PPP1R9B: variants seen among roughly 807,000 people sequenced by gnomAD.
The protein encoded by PPP1R9B is protein phosphatase 1 regulatory subunit 9B.
In PPP1R9B, 17 loss-of-function variants were observed where a neutral mutation model predicts 75.8. The ratio of observed to expected loss-of-function variants is 0.22; its 90% CI spans 0.15 to 0.34. The LOEUF (loss-of-function observed/expected upper bound fraction) is 0.34, where lower values mean the gene tolerates loss of function less well. Among genes scored for constraint, PPP1R9B ranks in the 10% least tolerant of loss-of-function variants. PPP1R9B has a pLI of 1.00. For missense variants in PPP1R9B, 875 were observed against 1,196.0 expected, an observed-to-expected ratio of 0.73 and a Z score of 3.96; for synonymous variants, 509 against 535.4, an observed-to-expected ratio of 0.95 and a Z score of 0.68.
chr17:50,143,321 G>C (rs1413546048), intron 3 of PPP1R9B, among the ~76,000 whole-genome samples: 2 of 152,172 alleles, frequency 1.3e-5, no homozygotes, highest in Non-Finnish European at 1.5e-5. Context: ...TCCAGACCGG[G>C]ATGCACAACA....
chr17:50,138,147 A>G (rs1294571326), intron 7 of PPP1R9B, among the ~76,000 whole-genome samples: 2 of 145,232 alleles, frequency 1.4e-5, no homozygotes, highest in African/African-American at 5.2e-5. Context: ...GCATCTGTGT[A>G]TACTACGTGT....
Position 50,142,660 on chromosome 17 carries a change from TACAGCC to T in PPP1R9B, c.1625+932_1625+937del, listed in dbSNP as rs1442280315. 6.6e-6 allele frequency among the ~76,000 whole-genome samples: 1 copy of T among 152,012 alleles called. No individual in the cohort carries two copies. Among genetic ancestry groups the T allele is most frequent in the Non-Finnish European group, 1.5e-5 (1 of 67,986 alleles). On this transcript the variant is annotated intron_variant, in intron 3 of 9. Transcript: ENST00000612501. The surrounding 1 kb of genome is among the most constrained non-coding windows in gnomAD (Gnocchi z 4.1). The stretch of plus-strand genomic sequence containing the variant: ...GAGATCCCCAATGTCACCTCTAACT[TACAGCC>T]ACCCTGGGGGATGCCCTACAGCCCT...
chr17:50,142,371 G>T lies in PPP1R9B; in HGVS notation c.1626-998C>A, dbSNP rs1265101338. 6.6e-6 allele frequency among the ~76,000 whole-genome samples: 1 copy of T among 152,172 alleles called. No individual in the cohort carries two copies. Among genetic ancestry groups the T allele is most frequent in the Non-Finnish European group, 1.5e-5 (1 of 68,014 alleles). ...AGGTGGGCATGAGTGAGTGGCCACGGCCACCATGCACACTCACTCCTTAGA... is the reference window on the plus strand; with the variant it reads ...AGGTGGGCATGAGTGAGTGGCCACGTCCACCATGCACACTCACTCCTTAGA... On this transcript the variant is annotated intron_variant, in intron 3 of 9. Transcript: ENST00000612501. This position sits in a 1 kb window ranked among gnomAD's most constrained non-coding sequence, Gnocchi z 4.1.
chr17:50,150,263 G>C lies in PPP1R9B; in HGVS notation c.251C>G (p.Pro84Arg). Reference protein sequence around the residue: ...AGGGAGLAEAPRASERGVRLS... With the variant: ...AGGGAGLAEARRASERGVRLS... ...GCGCACGCCGCGCTCGGACGCCCGT[G>C]GGGCCTCGGCCAGGCCCGCGCCGCC... Residue 84 changes from proline (P) to arginine (R), a missense_variant, in exon 1 of 10, where the codon CCA (proline) becomes CGA (arginine). Physicochemically the swap from Pro to Arg is moderately radical, Grantham distance 103. Transcript: ENST00000612501. The surrounding 1 kb of genome is among the most constrained non-coding windows in gnomAD (Gnocchi z 8.7). The C allele has an allele frequency of 6.9e-7, 1 of 1,446,620 alleles. No individual in the cohort carries two copies. The highest frequency in any genetic ancestry group is 1.4e-5 in the South Asian group (1 of 72,978). The allele number at this position is 1,446,620 out of a possible 1,614,324, so 89.6% of individuals were successfully genotyped here. A position where few individuals can be genotyped will look rare whatever the true frequency, so the allele number is the denominator to read the frequency against.
At chr17:50,140,021 G>A in intron 5 of PPP1R9B, 72 bp downstream of exon 5, 5 of 1,536,096 alleles carry the variant, frequency 3.3e-6, no homozygotes, top group East Asian at 2.3e-5. Context: ...AAGCAGTAGA[G>A]GCAGATGACT....
chr17:50,143,150 C>T (rs1912428532), intron 3 of PPP1R9B, among the ~76,000 whole-genome samples: 1 of 152,232 alleles, frequency 6.6e-6, no homozygotes, highest in African/African-American at 2.4e-5. Flanking sequence ...TCAATGTCTA[C>T]CTCACACCAC....
intron 7 of PPP1R9B, 138 bp from the exon 8 acceptor site, chr17:50,136,335 T>C: frequency 1.5e-6 from 1 of 687,270 alleles, no homozygotes. Context: ...ACTAACCCTC[T>C]TTGGCTGAGC....
In PPP1R9B at chr17:50,139,473, G is replaced by A. The variant is rs769869474; in HGVS notation, c.1975C>T (p.Pro659Ser). The change falls in exon 6 of 10, where the codon CCT becomes TCT. Residue 659 changes from proline to serine, a missense_variant. Transcript: ENST00000612501. The surrounding 1 kb of genome is among the most constrained non-coding windows in gnomAD (Gnocchi z 5.0). The stretch of plus-strand genomic sequence containing the variant: ...AGCTTCTCGGGCTCCATGTCCACAG[G>A]GGACAGTGCATCCTCGTTCTCCGCT... ...ELAENEDALSPVDMEPEKLVH... is the reference protein window; with the variant it reads ...ELAENEDALSSVDMEPEKLVH... 5 of 1,604,716 alleles carry A rather than the reference G, an allele frequency of 3.1e-6. No individual in the cohort carries two copies. Among genetic ancestry groups the A allele is most frequent in the Non-Finnish European group, 4.3e-6 (5 of 1,173,814 alleles).
intron 1 of PPP1R9B, among the ~76,000 whole-genome samples, chr17:50,147,929 C>T (rs1256995498): frequency 6.6e-6 from 1 of 152,142 alleles, no homozygotes; most frequent in African/African-American, 2.4e-5. Flanking sequence ...GTTATGGAAA[C>T]GACAAGCAAA....
At chr17:50,141,138 C>A (rs1048962332) in intron 4 of PPP1R9B, 131 bp downstream of exon 4, 7 of 621,524 alleles carry the variant, frequency 1.1e-5, no homozygotes, top group Non-Finnish European at 2.0e-5. Flanking sequence ...GCAACTCCTG[C>A]AGCCAAGGAG....
intron 1 of PPP1R9B, chr17:50,146,073 G>A (rs1258593100): frequency 3.3e-5 from 5 of 152,430 alleles, no homozygotes; most frequent in Admixed American, 1.3e-4. Context: ...TGCCCACAGC[G>A]AACCCAGGCG....
intron 7 of PPP1R9B, among the ~76,000 whole-genome samples, chr17:50,136,411 G>A (rs1188014762): frequency 1.3e-5 from 2 of 152,136 alleles, no homozygotes; most frequent in Non-Finnish European, 2.9e-5. Flanking sequence ...CAGACTCCCT[G>A]TCACTGCACC....
Position 50,135,158 on chromosome 17 carries a change from G to T in PPP1R9B, c.*173C>A, listed in dbSNP as rs1912187429. ...TGTCTGCCCAGGCCATCTTAAGGGG[G>T]CCTGTGATATGAGCCCTCTGGTCCC... On this transcript the variant is annotated 3_prime_UTR_variant, in exon 10 of 10. Coordinates refer to ENST00000612501, the MANE Select transcript of PPP1R9B (RefSeq NM_032595.5). 1 of 619,606 alleles carries T rather than the reference G, an allele frequency of 1.6e-6. No homozygotes were observed. Among genetic ancestry groups the T allele is most frequent in the Non-Finnish European group, 2.9e-6 (1 of 345,220 alleles). The allele number at this position is 619,606 out of a possible 1,614,324, so 38.4% of individuals were successfully genotyped here.
At chr17:50,146,436 A>G (rs545747488) in intron 1 of PPP1R9B, among the ~76,000 whole-genome samples, 4 of 152,288 alleles carry the variant, frequency 2.6e-5, no homozygotes, top group South Asian at 4.1e-4. Flanking sequence ...ATCTCCCCCA[A>G]GGGCCCTTGT....
rs1353376600 is a variant in PPP1R9B at position 50,149,093 on chromosome 17, C to T, written c.1371+50G>A. Reference sequence around the variant, plus strand: ...GCTGGCTGGCGAGCGGGGGCGGCCGCGTGCACGTGGCAGGGGCGGCGCGGG... The same window carrying T: ...GCTGGCTGGCGAGCGGGGGCGGCCGTGTGCACGTGGCAGGGGCGGCGCGGG... On this transcript the variant is annotated intron_variant, in intron 1 of 9. Transcript: ENST00000612501. The surrounding 1 kb of genome is among the most constrained non-coding windows in gnomAD (Gnocchi z 7.2). 1.5e-5 allele frequency: 19 copies of T among 1,283,988 alleles called. No individual in the cohort carries two copies. Among genetic ancestry groups the T allele is most frequent in the Non-Finnish European group, 1.9e-5 (19 of 997,988 alleles). The allele number at this position is 1,283,988 out of a possible 1,614,324, so 79.5% of individuals were successfully genotyped here.
Position 50,134,737 on chromosome 17 carries a change from C to T in PPP1R9B, c.*594G>A, listed in dbSNP as rs12953283. Reference sequence around the variant, plus strand: ...CAGGGCCAGGGCCAGGCCCAGCCTCCGGGCTCTGGGGTGGACTCTATCCCT... The same window carrying T: ...CAGGGCCAGGGCCAGGCCCAGCCTCTGGGCTCTGGGGTGGACTCTATCCCT... On this transcript the variant is annotated 3_prime_UTR_variant, in exon 10 of 10. Transcript: ENST00000612501. 3,784 of 155,590 alleles carry T rather than the reference C, an allele frequency of 0.024. 103 individuals are homozygous for T. Among genetic ancestry groups the T allele is most frequent in the Middle Eastern group, 0.043 (13 of 302 alleles). The allele number at this position is 155,590 out of a possible 1,614,324, so 9.6% of individuals were successfully genotyped here. A position where few individuals can be genotyped will look rare whatever the true frequency, so the allele number is the denominator to read the frequency against.
At chr17:50,148,833 G>A (rs1394226152) in intron 1 of PPP1R9B, among the ~76,000 whole-genome samples, 1 of 152,258 alleles carries the variant, frequency 6.6e-6, no homozygotes, top group Non-Finnish European at 1.5e-5. Context: ...TCCGGGTGAG[G>A]AAGGGAAAGC....
intron 7 of PPP1R9B, among the ~76,000 whole-genome samples, chr17:50,138,200 C>T (rs1912280912): frequency 2.0e-5 from 3 of 147,518 alleles, no homozygotes; most frequent in Non-Finnish European, 3.0e-5. Flanking sequence ...GTGTGTGCCA[C>T]GTGTCTCCAT....
At chr17:50,148,523 C>T (rs946130376) in intron 1 of PPP1R9B, among the ~76,000 whole-genome samples, 3 of 152,240 alleles carry the variant, frequency 2.0e-5, no homozygotes, top group Non-Finnish European at 4.4e-5. Context: ...GGGAACACGG[C>T]GCCAGCCAGT....
Sources: gnomAD v4.1 joint callset for allele counts (sites outside exome capture counted in the v4.1 genomes callset) on GRCh38, gnomAD v4.1.1 for gene constraint, Gnocchi (gnomAD v3.1) non-coding constraint, MANE v1.5 for transcripts, NCBI Gene and HGNC (gene_info 2026-07-23, HGNC 2026-07-21) for gene names.